The following PCDHGA2 variants were observed in gnomAD, a reference collection of about 807,000 sequenced individuals.
The protein encoded by PCDHGA2 is protocadherin gamma-A2.
PCDHGA2 carries 40 observed loss-of-function variants against 59.2 expected under a neutral mutation model. That is an observed-to-expected ratio of 0.68 (90% confidence interval 0.52 to 0.88). The LOEUF (loss-of-function observed/expected upper bound fraction) is 0.88. PCDHGA2 is among the 40% of genes least tolerant of loss of function. The pLI, the probability that PCDHGA2 is intolerant of heterozygous loss-of-function variation, is 0.00. For missense variants in PCDHGA2, 1,226 were observed against 1,204.0 expected, an observed-to-expected ratio of 1.02 and a Z score of -0.27; for synonymous variants, 560 against 526.0, an observed-to-expected ratio of 1.06 and a Z score of -0.89.
At position 141,487,611 on chromosome 5, in the gene PCDHGA2, T is replaced by C. The variant is rs1215704705; in HGVS notation, c.2425-7196T>C. ...CCACCCTCTGATCTTCTCTATGGGCTAGAGGTGAGACCTTTGCAGGCTCAA... is the reference window on the plus strand; with the variant it reads ...CCACCCTCTGATCTTCTCTATGGGCCAGAGGTGAGACCTTTGCAGGCTCAA... On this transcript the variant is annotated intron_variant, in intron 1 of 3. Transcript: ENST00000394576. This position sits in a 1 kb window ranked among gnomAD's most constrained non-coding sequence, Gnocchi z 5.0. The C allele has an allele frequency of 1.2e-6, 2 of 1,614,206 alleles. No homozygotes were observed. The highest frequency in any genetic ancestry group is 1.7e-6 in the Non-Finnish European group (2 of 1,180,036).
At chr5:141,372,576 C>A in intron 1 of PCDHGA2, 2 of 1,614,066 alleles carry the variant, frequency 1.2e-6, no homozygotes. Context: ...GGGCTACTTT[C>A]AGCCTGGTGT....
intron 1 of PCDHGA2, among the ~76,000 whole-genome samples, chr5:141,401,455 A>G (rs1589438348): frequency 6.6e-6 from 1 of 152,256 alleles, no homozygotes; most frequent in East Asian, 1.9e-4. Flanking sequence ...AATCATCCAA[A>G]TAATTTTCTA....
At position 141,486,367 on chromosome 5, in the gene PCDHGA2, G is replaced by A; in HGVS notation, c.2425-8440G>A. On this transcript the variant is annotated intron_variant, in intron 1 of 3. Coordinates refer to ENST00000394576, the MANE Select transcript of PCDHGA2 (RefSeq NM_018915.4). This position sits in a 1 kb window ranked among gnomAD's most constrained non-coding sequence, Gnocchi z 5.0. Reference sequence around the variant, plus strand: ...CTGACCACTTGCCATTTGCCCTCAAGTCTGCCTTCAGGAACCAGTTCTCCC... The same window carrying A: ...CTGACCACTTGCCATTTGCCCTCAAATCTGCCTTCAGGAACCAGTTCTCCC... 1 of 1,614,148 alleles carries A rather than the reference G, an allele frequency of 6.2e-7. No individual in the cohort carries two copies. Among genetic ancestry groups the A allele is most frequent in the Non-Finnish European group, 8.5e-7 (1 of 1,180,022 alleles).
chr5:141,351,266 G>A (rs1222995612), intron 1 of PCDHGA2: 26 of 1,613,812 alleles, frequency 1.6e-5, no homozygotes, highest in Non-Finnish European at 2.0e-5. Flanking sequence ...AATTGTTGAC[G>A]AGAATGACAA....
intron 1 of PCDHGA2, chr5:141,423,762 G>T: frequency 2.3e-5 from 6 of 264,236 alleles, no homozygotes; most frequent in Non-Finnish European, 3.4e-5. Context: ...GGGGGGGGGT[G>T]GGGCGGCATA....
intron 1 of PCDHGA2, chr5:141,478,531 C>G (rs771145308): frequency 1.2e-6 from 2 of 1,608,190 alleles, no homozygotes; most frequent in East Asian, 2.2e-5. Context: ...GTGCAGAGAG[C>G]GCCCCTCCCG....
intron 1 of PCDHGA2, chr5:141,427,469 C>A: frequency 2.0e-6 from 1 of 510,092 alleles, no homozygotes; most frequent in Non-Finnish European, 3.8e-6. Flanking sequence ...TCGAATCTTC[C>A]GCCAATAATG....
rs1345800081 is a variant in PCDHGA2, at chr5:141,485,453, G to A, written c.2425-9354G>A. 1 of 1,614,176 alleles carries A rather than the reference G, an allele frequency of 6.2e-7. No homozygotes were observed. The highest frequency in any genetic ancestry group is 8.5e-7 in the Non-Finnish European group (1 of 1,180,036). On this transcript the variant is annotated intron_variant, in intron 1 of 3. Transcript: ENST00000394576. The surrounding 1 kb of genome is among the most constrained non-coding windows in gnomAD (Gnocchi z 5.7). ...CATCAAGAACCCAATCGACCGAGAG[G>A]CACTGTGTGGGCTCAGTGCCAGCTG...
chr5:141,344,520 G>A (rs1757429444), intron 1 of PCDHGA2: 2 of 1,613,996 alleles, frequency 1.2e-6, no homozygotes, highest in Non-Finnish European at 1.7e-6. Flanking sequence ...CCCAGATGTA[G>A]GCATTAACTC....
In PCDHGA2 at chr5:141,486,574, C is replaced by T. The variant is rs1435813800; in HGVS notation, c.2425-8233C>T. On this transcript the variant is annotated intron_variant, in intron 1 of 3. Transcript: ENST00000394576. This position sits in a 1 kb window ranked among gnomAD's most constrained non-coding sequence, Gnocchi z 5.0. ...CACATGAGGTGTTTGTTCCTGAGAACAATCGCCCAGGGGACCTGCTTTGCT... is the reference window on the plus strand; with the variant it reads ...CACATGAGGTGTTTGTTCCTGAGAATAATCGCCCAGGGGACCTGCTTTGCT... The T allele has an allele frequency of 1.9e-6, 3 of 1,613,868 alleles. No homozygotes were observed. Among genetic ancestry groups the T allele is most frequent in the Non-Finnish European group, 2.5e-6 (3 of 1,180,002 alleles).
intron 1 of PCDHGA2, chr5:141,478,565 T>C (rs772519746): frequency 1.6e-5 from 25 of 1,593,862 alleles, no homozygotes; most frequent in Non-Finnish European, 2.0e-5. Flanking sequence ...TAGCAAGTCA[T>C]GCTTGACCCT....
At chr5:141,499,835 C>T (rs931946377) in intron 2 of PCDHGA2, among the ~76,000 whole-genome samples, 2 of 151,916 alleles carry the variant, frequency 1.3e-5, no homozygotes, top group Admixed American at 6.6e-5. Flanking sequence ...TACAGGTGTG[C>T]ACCACCACAC....
At chr5:141,418,806 C>A in intron 1 of PCDHGA2, 1 of 1,613,696 alleles carries the variant, frequency 6.2e-7, no homozygotes, top group Non-Finnish European at 8.5e-7. Context: ...GAAAGATATA[C>A]GATAAACATA....
chr5:141,439,680 A>T (rs1478261632), intron 1 of PCDHGA2, among the ~76,000 whole-genome samples: 1 of 152,236 alleles, frequency 6.6e-6, no homozygotes, highest in African/African-American at 2.4e-5. Context: ...ATCCAAGAGC[A>T]GACCCACAAC....
intron 1 of PCDHGA2, chr5:141,413,675 G>C (rs773300658): frequency 6.2e-7 from 1 of 1,613,826 alleles, no homozygotes; most frequent in Non-Finnish European, 8.5e-7. Context: ...CCGGATGTGG[G>C]CGTGAACTCC....
In PCDHGA2 at chr5:141,408,231, G is replaced by A. The variant is rs775180708; in HGVS notation, c.2424+66836G>A. On this transcript the variant is annotated intron_variant, in intron 1 of 3. Coordinates refer to ENST00000394576, the MANE Select transcript of PCDHGA2 (RefSeq NM_018915.4). ...GGAGGGAGCTGCGCGCAGAGGCGCC[G>A]GGCCGGCCCGCGGCAGGTGCTATTT... 5 of 1,567,976 alleles carry A rather than the reference G, an allele frequency of 3.2e-6. No individual in the cohort carries two copies. In the African/African-American group the frequency reaches 5.4e-5, roughly 17 times the overall value.
At chr5:141,409,436 C>G (rs368696166) in intron 1 of PCDHGA2, 2 of 1,613,982 alleles carry the variant, frequency 1.2e-6, no homozygotes, top group Non-Finnish European at 1.7e-6. Flanking sequence ...AGCCCTGGAC[C>G]GAGAGCAGAC....
chr5:141,360,825 C>T, intron 1 of PCDHGA2: 1 of 1,613,960 alleles, frequency 6.2e-7, no homozygotes, highest in South Asian at 1.1e-5. Context: ...AAATCCGAAT[C>T]AAAGTCACGG....
rs775712620 is a variant in PCDHGA2, at chr5:141,491,341, G to T, written c.2425-3466G>T. 1 of 1,613,982 alleles carries T rather than the reference G, an allele frequency of 6.2e-7. No homozygotes were observed. The highest frequency in any genetic ancestry group is 8.5e-7 in the Non-Finnish European group (1 of 1,180,016). ...TTACCTCATTGTGGCTCTAGCGACC[G>T]TCAGTCTCTTATCCCTAGTCACCTT... On this transcript the variant is annotated intron_variant, in intron 1 of 3. Coordinates refer to ENST00000394576, the MANE Select transcript of PCDHGA2 (RefSeq NM_018915.4). The surrounding 1 kb of genome is among the most constrained non-coding windows in gnomAD (Gnocchi z 6.9).
Sources: allele counts gnomAD v4.1 joint callset (sites outside exome capture counted in the v4.1 genomes callset), GRCh38; gene constraint gnomAD v4.1.1; non-coding constraint Gnocchi (gnomAD v3.1); transcripts MANE v1.5; gene names NCBI Gene and HGNC (gene_info 2026-07-23, HGNC 2026-07-21).